COBL: variants seen among roughly 807,000 people sequenced by gnomAD.
The protein encoded by COBL is protein cordon-bleu.
In COBL, 51 loss-of-function variants were observed where a neutral mutation model predicts 98.8. That is an observed-to-expected ratio of 0.52 (90% CI 0.41 to 0.65). The LOEUF is 0.65. Among genes scored for constraint, COBL ranks in the 30% least tolerant of loss-of-function variants. The pLI, the probability that COBL is intolerant of heterozygous loss-of-function variation, is 0.00. For missense variants in COBL, 1,617 were observed against 1,617.5 expected, an observed-to-expected ratio of 1.00 and a Z score of 0.01; for synonymous variants, 634 against 651.7, an observed-to-expected ratio of 0.97 and a Z score of 0.41.
Position 51,174,794 on chromosome 7 carries a change from G to C in COBL, c.783+9308C>G, listed in dbSNP as rs145959414. 2.6e-4 allele frequency among the ~76,000 whole-genome samples: 39 copies of C among 152,308 alleles called. No homozygotes were observed. The East Asian group carries it at 6.6e-3, about 26-fold the overall frequency. ...TAAAAACCTTCTTATAACCATGGCTGAATCTCTCCAAGGCAACCTGAAAGT... is the reference window on the plus strand; with the variant it reads ...TAAAAACCTTCTTATAACCATGGCTCAATCTCTCCAAGGCAACCTGAAAGT... On this transcript the variant is annotated intron_variant, in intron 5 of 12. Coordinates refer to ENST00000265136, the MANE Select transcript of COBL (RefSeq NM_015198.5).
chr7:51,035,512 T>C (rs1049257306), intron 8 of COBL: 1 of 152,214 alleles, frequency 6.6e-6, no homozygotes, highest in African/African-American at 2.4e-5. Context: ...CAGTTGATGA[T>C]AGTCGTATGT....
chr7:51,093,392 G>T (rs1362412948), intron 6 of COBL, among the ~76,000 whole-genome samples: 2 of 152,184 alleles, frequency 1.3e-5, no homozygotes, highest in Admixed American at 6.5e-5. Flanking sequence ...CTTGTGTATT[G>T]TTGGTGAAAA....
At position 51,095,341 on chromosome 7, in the gene COBL, C is replaced by T. The variant is rs1296511381; in HGVS notation, c.958-10037G>A. On this transcript the variant is annotated intron_variant, in intron 6 of 12. Coordinates refer to ENST00000265136, the MANE Select transcript of COBL (RefSeq NM_015198.5). ...CTCCCATTGGGTCCCTCTCACGACACGTGAGAACTATGGGAGCTAAAACTG... is the reference window on the plus strand; with the variant it reads ...CTCCCATTGGGTCCCTCTCACGACATGTGAGAACTATGGGAGCTAAAACTG... Among the ~76,000 whole-genome samples the T allele has an allele frequency of 3.3e-5, 5 of 152,134 alleles. No individual in the cohort carries two copies. The South Asian group carries it at 8.3e-4, about 25-fold the overall frequency.
intron 5 of COBL, among the ~76,000 whole-genome samples, chr7:51,180,846 C>A (rs188504412): frequency 6.6e-6 from 1 of 152,296 alleles, no homozygotes; most frequent in Admixed American, 6.5e-5. Flanking sequence ...TTTGTTTGAT[C>A]TGGCATATAA....
At chr7:51,141,342 A>G (rs756353955) in intron 5 of COBL, among the ~76,000 whole-genome samples, 3 of 152,176 alleles carry the variant, frequency 2.0e-5, no homozygotes, top group African/African-American at 4.8e-5. Flanking sequence ...GCAATCAACA[A>G]TCCTCTCAGC....
At chr7:51,119,280 TGGC>T (rs1797544491) in intron 6 of COBL, among the ~76,000 whole-genome samples, 1 of 152,184 alleles carries the variant, frequency 6.6e-6, no homozygotes, top group South Asian at 2.1e-4. Flanking sequence ...GTGATATATA[TGGC>T]GACACATTTT....
intron 1 of COBL, among the ~76,000 whole-genome samples, chr7:51,251,875 CACA>C (rs1232758382): frequency 3.3e-5 from 5 of 152,190 alleles, no homozygotes; most frequent in Non-Finnish European, 7.3e-5. Flanking sequence ...CACACACACA[CACA>C]ACCATTTTTG....
chr7:51,029,724 G>A (rs1412944943), intron 9 of COBL, 133 bp from the exon 10 acceptor site: 1 of 746,026 alleles, frequency 1.3e-6, no homozygotes, highest in Admixed American at 3.3e-5. Flanking sequence ...ATGTTATTTG[G>A]GTTTGTAATC....
rs757390941 is a variant in COBL, at chr7:51,043,473, C to T, written c.1316G>A (p.Cys439Tyr). The stretch of plus-strand genomic sequence containing the variant: ...GGTTCCAGCGAGGTCCTGGTCACTG[C>T]AGTCTTCCTGGTCTGTGGCCCACTT... ...KDKWATDQEDCSDQDLAGTPD... is the reference protein window; with the variant it reads ...KDKWATDQEDYSDQDLAGTPD... Residue 439 changes from cysteine (C) to tyrosine (Y), a missense_variant, in exon 8 of 13, where the codon TGC becomes TAC. Physicochemically the swap from Cys to Tyr is radical, Grantham distance 194. Coordinates refer to ENST00000265136, the MANE Select transcript of COBL (RefSeq NM_015198.5). 6 of 1,614,226 alleles carry T rather than the reference C, an allele frequency of 3.7e-6. No homozygotes were observed. In the East Asian group the frequency reaches 1.1e-4, roughly 30 times the overall value.
chr7:51,016,830 C>A lies in COBL; in HGVS notation c.*721G>T, dbSNP rs973656397. The A allele has an allele frequency of 1.3e-5, 5 of 397,870 alleles. No homozygotes were observed. The highest frequency in any genetic ancestry group is 1.8e-5 in the Non-Finnish European group (4 of 226,106). The allele number at this position is 397,870 out of a possible 1,614,324, so 24.6% of individuals were successfully genotyped here. On this transcript the variant is annotated 3_prime_UTR_variant, in exon 13 of 13. Transcript: ENST00000265136. ...CCCATCCACTCCAGTGGTGGTGTGACCTCAGCCACCCGCCACCCTTGCAGG... is the reference window on the plus strand; with the variant it reads ...CCCATCCACTCCAGTGGTGGTGTGAACTCAGCCACCCGCCACCCTTGCAGG...
chr7:51,027,061 C>T (rs1787647165), intron 10 of COBL, among the ~76,000 whole-genome samples: 1 of 152,192 alleles, frequency 6.6e-6, no homozygotes, highest in African/African-American at 2.4e-5. Flanking sequence ...GTTCCAGAGC[C>T]GATGTGTGTG....
At chr7:51,229,981 T>C (rs1263929297) in intron 1 of COBL, among the ~76,000 whole-genome samples, 3 of 152,152 alleles carry the variant, frequency 2.0e-5, no homozygotes, top group Non-Finnish European at 1.5e-5. Flanking sequence ...CCCCTACCTT[T>C]AGCCCCTGCT....
At chr7:51,135,135 T>C (rs1799114700) in intron 6 of COBL, among the ~76,000 whole-genome samples, 1 of 152,120 alleles carries the variant, frequency 6.6e-6, no homozygotes, top group Non-Finnish European at 1.5e-5. Flanking sequence ...GCTAATTTTG[T>C]ATTTTTAGTA....
At chr7:51,230,531 C>T (rs1045241427) in intron 1 of COBL, among the ~76,000 whole-genome samples, 9 of 152,196 alleles carry the variant, frequency 5.9e-5, no homozygotes, top group African/African-American at 2.2e-4. Context: ...ACCACCCCTG[C>T]TCCACTGCTG....
intron 1 of COBL, among the ~76,000 whole-genome samples, chr7:51,311,425 C>T (rs1325896018): frequency 6.6e-6 from 1 of 152,174 alleles, no homozygotes; most frequent in African/African-American, 2.4e-5. Context: ...TGTCTATTGT[C>T]GCACCAGAGG....
intron 7 of COBL, among the ~76,000 whole-genome samples, chr7:51,047,179 G>T (rs1789795263): frequency 6.6e-6 from 1 of 152,188 alleles, no homozygotes; most frequent in African/African-American, 2.4e-5. Context: ...TATTACTGCA[G>T]GATTTTTGCA....
chr7:51,172,128 T>C (rs939156662), intron 5 of COBL, among the ~76,000 whole-genome samples: 5 of 152,136 alleles, frequency 3.3e-5, no homozygotes, highest in Non-Finnish European at 7.4e-5. Flanking sequence ...AGCTATAGGG[T>C]TGGAAAACAG....
chr7:51,113,232 A>G (rs905092859), intron 6 of COBL, among the ~76,000 whole-genome samples: 1 of 152,244 alleles, frequency 6.6e-6, no homozygotes, highest in African/African-American at 2.4e-5. Context: ...AGATGTGTCA[A>G]GTGCAAAGGT....
chr7:51,316,070 G>A (rs1157386744), intron 1 of COBL, among the ~76,000 whole-genome samples: 1 of 152,178 alleles, frequency 6.6e-6, no homozygotes, highest in Non-Finnish European at 1.5e-5. Context: ...CGCGGGGCCC[G>A]GGCGGCTGCG....
Sources: gnomAD v4.1 joint callset for allele counts (sites outside exome capture counted in the v4.1 genomes callset) on GRCh38, gnomAD v4.1.1 for gene constraint, MANE v1.5 for transcripts, NCBI Gene and HGNC (gene_info 2026-07-23, HGNC 2026-07-21) for gene names.